DMTN: variants seen among roughly 807,000 people sequenced by gnomAD.
DMTN encodes dematin.
Under a neutral mutation model 59.4 loss-of-function variants are expected in DMTN, and 27 were observed. The ratio of observed to expected loss-of-function variants is 0.45; its 90% CI spans 0.33 to 0.63. The LOEUF (loss-of-function observed/expected upper bound fraction) is 0.63, where lower values mean the gene tolerates loss of function less well. Ranked by LOEUF, DMTN falls within the 20% of genes least tolerant of loss-of-function variation. DMTN has a pLI of 0.02. For synonymous variants in DMTN, 221 were observed against 203.7 expected, an observed-to-expected ratio of 1.08 and a Z score of -0.72; for missense variants, 451 against 528.9, an observed-to-expected ratio of 0.85 and a Z score of 1.45.
chr8:22,073,999 T>C (rs1047400898), intron 10 of DMTN, among the ~76,000 whole-genome samples, 164 bp downstream of exon 10: 4 of 152,218 alleles, frequency 2.6e-5, no homozygotes, highest in Non-Finnish European at 4.4e-5. Flanking sequence ...AGATGATAAA[T>C]GAGAGAATCG....
intron 2 of DMTN, 34 bp downstream of exon 2, chr8:22,066,927 G>C: frequency 8.1e-7 from 1 of 1,230,496 alleles, no homozygotes; most frequent in Non-Finnish European, 1.0e-6. Flanking sequence ...GGGCCGCCGA[G>C]GGCGGGTGGG....
At chr8:22,053,715 A>C (rs1801611952), upstream of DMTN, 1 of 152,312 alleles carries the variant, frequency 6.6e-6, no homozygotes, top group South Asian at 2.1e-4. Flanking sequence ...TGAGAGATAC[A>C]GGAATCCTGG....
chr8:22,055,552 G>A (rs73545542), upstream of DMTN: 14,788 of 152,104 alleles, frequency 0.097, 2,013 homozygotes, highest in African/African-American at 0.3. Context: ...CTGCCACATT[G>A]AAGGTATGCC....
At chr8:22,063,256 T>C (rs1291069072) in intron 1 of DMTN, among the ~76,000 whole-genome samples, 2 of 152,072 alleles carry the variant, frequency 1.3e-5, no homozygotes, top group African/African-American at 4.8e-5. Flanking sequence ...GCCTCTAGGG[T>C]TTCTCCCATT....
chr8:22,074,187 G>A (rs1281786917), intron 10 of DMTN, among the ~76,000 whole-genome samples: 5 of 152,200 alleles, frequency 3.3e-5, no homozygotes, highest in Non-Finnish European at 7.3e-5. Context: ...GGCCGGTATT[G>A]TGATCAAGGT....
At chr8:22,067,425 G>A in intron 3 of DMTN, 102 bp from the exon 4 acceptor site, 1 of 1,504,012 alleles carries the variant, frequency 6.6e-7, no homozygotes, top group South Asian at 1.3e-5. Flanking sequence ...CGTCTGCAAT[G>A]GCGGTCCATT....
upstream of DMTN, among the ~76,000 whole-genome samples, chr8:22,054,119 C>G (rs1801697229): frequency 6.6e-6 from 1 of 151,788 alleles, no homozygotes; most frequent in African/African-American, 2.4e-5. Flanking sequence ...CACACACACA[C>G]ACACAGACAC....
At chr8:22,073,188 C>T (rs1817067286) in intron 9 of DMTN, among the ~76,000 whole-genome samples, 1 of 152,192 alleles carries the variant, frequency 6.6e-6, no homozygotes, top group African/African-American at 2.4e-5. Flanking sequence ...TGACTCCTGG[C>T]TTTCAAGGGT....
upstream of DMTN, among the ~76,000 whole-genome samples, chr8:22,052,465 G>A (rs991193292): frequency 1.3e-5 from 2 of 152,138 alleles, no homozygotes; most frequent in Non-Finnish European, 1.5e-5. Context: ...ACGTGGGTGG[G>A]GCGGGGGCTT....
chr8:22,074,508 C>G (rs1818256691), intron 10 of DMTN, among the ~76,000 whole-genome samples: 3 of 152,206 alleles, frequency 2.0e-5, no homozygotes, highest in Admixed American at 2.0e-4. Context: ...CTCCTGGACT[C>G]AAGCAATCAT....
rs199787193 is a variant in DMTN, at chr8:22,080,785, T to C, written c.958-20T>C. The C allele has an allele frequency of 2.5e-5, 40 of 1,607,454 alleles. No individual in the cohort carries two copies. The East Asian group carries it at 9.0e-4, about 36-fold the overall frequency. ...GTCTCCCTGCCCCGCTCTGGCTCAC[T>C]GCGGCTTTGGTCTCCCCAGAACGGA... On this transcript the variant is annotated intron_variant, in intron 13 of 15. Transcript: ENST00000358242.
rs749520180 is a variant in DMTN, at chr8:22,081,494, T to G, written c.*31T>G. The G allele has an allele frequency of 6.3e-6, 10 of 1,580,814 alleles. No individual in the cohort carries two copies. Among genetic ancestry groups the G allele is most frequent in the Non-Finnish European group, 8.7e-6 (10 of 1,150,316 alleles). ...CCCACCTGCTCCGGGACGGCCCCCT[T>G]ACCCCTGCTGCTTCAGGGTTTTTCC... On this transcript the variant is annotated 3_prime_UTR_variant, in exon 16 of 16. Transcript: ENST00000358242.
upstream of DMTN, among the ~76,000 whole-genome samples, chr8:22,055,270 T>C (rs149269715): frequency 1.4e-3 from 217 of 151,776 alleles, 1 homozygote; most frequent in African/African-American, 5.1e-3. Flanking sequence ...GGAGGGGCAA[T>C]ACAGGGGAGG....
At chr8:22,049,282 GA>G (rs1801077454), upstream of DMTN, 1 of 150,096 alleles carries the variant, frequency 6.7e-6, no homozygotes, top group Non-Finnish European at 1.5e-5. Context: ...GAGGGGGCGA[GA>G]AGGCGTCCCC....
At position 22,082,429 on chromosome 8, in the gene DMTN, C is replaced by T. The variant is rs984636091; in HGVS notation, c.*966C>T. 13 of 354,230 alleles carry T rather than the reference C, an allele frequency of 3.7e-5. No individual in the cohort carries two copies. The highest frequency in any genetic ancestry group is 1.1e-4 in the South Asian group (5 of 47,474). The allele number at this position is 354,230 out of a possible 1,614,324, so 21.9% of individuals were successfully genotyped here. On this transcript the variant is annotated 3_prime_UTR_variant, in exon 16 of 16. Coordinates refer to ENST00000358242, the MANE Select transcript of DMTN (RefSeq NM_001387751.1). ...TATTTTTGCCCAGGTCTGGGTATTG[C>T]TCCTGCCCAGACCCTGACATCCCTT...
upstream of DMTN, among the ~76,000 whole-genome samples, chr8:22,050,109 C>T (rs1801192465): frequency 6.6e-6 from 1 of 152,204 alleles, no homozygotes; most frequent in African/African-American, 2.4e-5. Context: ...TCCCCCATCA[C>T]AAAGAGCCTT....
At chr8:22,076,448 T>C (rs1819844876) in intron 10 of DMTN, among the ~76,000 whole-genome samples, 2 of 151,830 alleles carry the variant, frequency 1.3e-5, no homozygotes, top group African/African-American at 2.4e-5. Context: ...CTATAAAAAA[T>C]AGAAAAATTA....
intron 10 of DMTN, among the ~76,000 whole-genome samples, chr8:22,079,269 A>T (rs148052112): frequency 0.25 from 4,892 of 19,474 alleles, 188 homozygotes; most frequent in Non-Finnish European, 0.33. Flanking sequence ...TAAATAAATA[A>T]ATAAATAAAT....
chr8:22,053,038 G>C (rs1192655199), upstream of DMTN, among the ~76,000 whole-genome samples: 1 of 151,740 alleles, frequency 6.6e-6, no homozygotes, highest in African/African-American at 2.4e-5. Context: ...CATGATTTCA[G>C]ATGATTTCAG....
Sources: allele counts gnomAD v4.1 joint callset (sites outside exome capture counted in the v4.1 genomes callset), GRCh38; gene constraint gnomAD v4.1.1; transcripts MANE v1.5; gene names NCBI Gene and HGNC (gene_info 2026-07-23, HGNC 2026-07-21).